CHSY3: variants seen among roughly 807,000 people sequenced by gnomAD.
CHSY3 encodes the protein N-acetylgalactosaminyl-proteoglycan 3-beta-glucuronosyltransferase 3.
Under a neutral mutation model 67.2 loss-of-function variants are expected in CHSY3, and 35 were observed. The ratio of observed to expected loss-of-function variants is 0.52; its 90% CI spans 0.40 to 0.69. The LOEUF (loss-of-function observed/expected upper bound fraction) is 0.69. CHSY3 is among the 30% of genes least tolerant of loss of function. The probability of loss-of-function intolerance (pLI) is 0.00; values close to 1 mark genes in which losing one functional copy is unlikely to be tolerated. For synonymous variants in CHSY3, 474 were observed against 434.7 expected, an observed-to-expected ratio of 1.09 and a Z score of -1.12; for missense variants, 1,069 against 1,138.5, an observed-to-expected ratio of 0.94 and a Z score of 0.88.
chr5:129,940,309 A>G (rs1377273534), intron 2 of CHSY3, among the ~76,000 whole-genome samples: 1 of 152,142 alleles, frequency 6.6e-6, no homozygotes, highest in African/African-American at 2.4e-5. Context: ...TTGAGTTAAG[A>G]TGTGATGAAT....
At chr5:130,100,309 C>G (rs1455757424) in intron 2 of CHSY3, among the ~76,000 whole-genome samples, 1 of 151,762 alleles carries the variant, frequency 6.6e-6, no homozygotes, top group Non-Finnish European at 1.5e-5. Context: ...CTCAGCCTCT[C>G]AAGTAGCTGG....
rs557335496 is a variant in CHSY3, at chr5:130,009,789, A to G, written c.1086+101429A>G. 2.6e-4 allele frequency among the ~76,000 whole-genome samples: 39 copies of G among 152,292 alleles called. No individual in the cohort carries two copies. The South Asian group carries it at 5.0e-3, about 19-fold the overall frequency. On this transcript the variant is annotated intron_variant, in intron 2 of 2. Coordinates refer to ENST00000305031, the MANE Select transcript of CHSY3 (RefSeq NM_175856.5). ...ACCCATAGGCTCAAAGTAAAGGGAT[A>G]GAGAAAAATCCATCAAGAAAACAGA...
At chr5:130,175,912 T>G (rs1260553647) in intron 2 of CHSY3, among the ~76,000 whole-genome samples, 1 of 152,142 alleles carries the variant, frequency 6.6e-6, no homozygotes, top group Non-Finnish European at 1.5e-5. Context: ...GAAGAAAACC[T>G]AGGCCATACC....
chr5:130,063,841 A>C (rs1275808905), intron 2 of CHSY3, among the ~76,000 whole-genome samples: 3 of 152,102 alleles, frequency 2.0e-5, no homozygotes, highest in Non-Finnish European at 4.4e-5. Context: ...TCTGGGTCTT[A>C]ATCTCATTCA....
chr5:130,152,051 G>A (rs766660021), intron 2 of CHSY3, among the ~76,000 whole-genome samples: 35 of 152,060 alleles, frequency 2.3e-4, no homozygotes, highest in Non-Finnish European at 3.2e-4. Context: ...AATTTAATTC[G>A]GAGACACCTG....
intron 2 of CHSY3, among the ~76,000 whole-genome samples, chr5:130,093,607 T>C (rs975154661): frequency 1.3e-5 from 2 of 152,212 alleles, no homozygotes; most frequent in Admixed American, 1.3e-4. Context: ...ATGTATGATA[T>C]GGTTTATTTT....
At chr5:129,984,322 C>A (rs1054479701) in intron 2 of CHSY3, among the ~76,000 whole-genome samples, 10 of 152,102 alleles carry the variant, frequency 6.6e-5, no homozygotes, top group Non-Finnish European at 1.5e-4. Context: ...TTGATAATGG[C>A]TTCCAGCTCC....
At chr5:130,015,286 A>G (rs1372639818) in intron 2 of CHSY3, among the ~76,000 whole-genome samples, 1 of 152,202 alleles carries the variant, frequency 6.6e-6, no homozygotes, top group Non-Finnish European at 1.5e-5. Context: ...CAGCCTGTGG[A>G]ACTGTGAGTG....
chr5:130,100,281 T>C (rs1170128252), intron 2 of CHSY3, among the ~76,000 whole-genome samples: 1 of 151,598 alleles, frequency 6.6e-6, no homozygotes, highest in African/African-American at 2.4e-5. Context: ...GCCTCCCGGG[T>C]TCATGCCATT....
chr5:129,910,884 C>T (rs917503161), intron 2 of CHSY3, among the ~76,000 whole-genome samples: 3 of 151,682 alleles, frequency 2.0e-5, no homozygotes, highest in African/African-American at 7.3e-5. Flanking sequence ...TTGATCATTA[C>T]TTTTTTTCCC....
intron 2 of CHSY3, among the ~76,000 whole-genome samples, chr5:130,012,989 T>G (rs971454005): frequency 2.0e-5 from 3 of 151,586 alleles, no homozygotes; most frequent in Non-Finnish European, 4.4e-5. Context: ...CTAGATACAA[T>G]GAGGGTACAG....
chr5:130,010,941 C>T (rs965042889), intron 2 of CHSY3, among the ~76,000 whole-genome samples: 2 of 151,790 alleles, frequency 1.3e-5, no homozygotes, highest in Non-Finnish European at 2.9e-5. Context: ...AATTAAAACC[C>T]GAAAAGACCA....
intron 2 of CHSY3, among the ~76,000 whole-genome samples, chr5:130,108,293 C>A (rs1043476110): frequency 1.3e-5 from 2 of 151,522 alleles, no homozygotes; most frequent in Non-Finnish European, 3.0e-5. Flanking sequence ...CATTTCCATG[C>A]ATAATTCCAG....
intron 2 of CHSY3, among the ~76,000 whole-genome samples, chr5:130,035,898 T>G (rs1029766210): frequency 8.1e-5 from 12 of 148,286 alleles, no homozygotes; most frequent in Admixed American, 2.0e-4. Flanking sequence ...TTTTTTTTTT[T>G]TTTTTTTTTT....
chr5:130,055,106 C>T (rs1023892388), intron 2 of CHSY3, among the ~76,000 whole-genome samples: 7 of 152,010 alleles, frequency 4.6e-5, no homozygotes, highest in African/African-American at 9.7e-5. Context: ...TCTTCTGATA[C>T]GTATAGGGAT....
Position 130,143,812 on chromosome 5 carries a change from A to ATG in CHSY3, c.1087-40416_1087-40415insGT, listed in dbSNP as rs1561557373. On this transcript the variant is annotated intron_variant, in intron 2 of 2. Transcript: ENST00000305031. ...TATATATATATATATATATGTGTGTATATATATATATATATATATATATAT... is the reference window on the plus strand; with the variant it reads ...TATATATATATATATATATGTGTGTATGTATATATATATATATATATATATAT... Among the ~76,000 whole-genome samples, 62 of 66,650 alleles carry ATG rather than the reference A, an allele frequency of 9.3e-4. 3 individuals are homozygous for ATG. The highest frequency in any genetic ancestry group is 3.9e-3 in the African/African-American group (55 of 14,186). 43.7% of individuals were successfully genotyped at this position (66,650 alleles called of 152,430 possible).
chr5:129,984,959 C>G (rs1763137250), intron 2 of CHSY3, among the ~76,000 whole-genome samples: 1 of 152,044 alleles, frequency 6.6e-6, no homozygotes, highest in Non-Finnish European at 1.5e-5. Context: ...AATAATTTCT[C>G]CCATTCTATA....
At position 129,904,620 on chromosome 5, in the gene CHSY3, C is replaced by T. The variant is rs561440056; in HGVS notation, c.-210C>T. ...CCCGACCCTTGCTCGGAGCCCCGGC[C>T]CAGAGCTGAGCGGGAGCCCGGCAGG... On this transcript the variant is annotated 5_prime_UTR_variant, in exon 1 of 3. Transcript: ENST00000305031. 5.2e-3 allele frequency: 4,037 copies of T among 772,304 alleles called. 12 individuals are homozygous for T. Among genetic ancestry groups the T allele is most frequent in the Non-Finnish European group, 6.1e-3 (3,526 of 579,804 alleles). 47.8% of individuals were successfully genotyped at this position (772,304 alleles called of 1,614,324 possible).
chr5:130,134,221 T>G (rs1221469593), intron 2 of CHSY3, among the ~76,000 whole-genome samples: 3 of 152,232 alleles, frequency 2.0e-5, no homozygotes, highest in Non-Finnish European at 4.4e-5. Flanking sequence ...CTTCAAGTTA[T>G]TACTACACTG....
Sources: allele counts gnomAD v4.1 joint callset (sites outside exome capture counted in the v4.1 genomes callset), GRCh38; gene constraint gnomAD v4.1.1; transcripts MANE v1.5; gene names NCBI Gene and HGNC (gene_info 2026-07-23, HGNC 2026-07-21).